Variants in CDKN2B-AS1 observed in about 807,000 individuals in gnomAD.
The protein encoded by CDKN2B-AS1 is CDKN2B antisense RNA 1 (non-protein coding).
At chr9:22,029,349 T>G in intron 1 of CDKN2B-AS1, 2 of 755,362 alleles carry the variant, frequency 2.6e-6, no homozygotes, top group Admixed American at 3.5e-5. Context: ...GTTTATCTAA[T>G]GGGATTCCTG....
At chr9:22,084,159 G>C (rs1308117527) in intron 4 of CDKN2B-AS1, among the ~76,000 whole-genome samples, 10 of 152,070 alleles carry the variant, frequency 6.6e-5, no homozygotes, top group Admixed American at 6.6e-4. Flanking sequence ...AAGAGATTTA[G>C]GCAGGTTATG....
intron 4 of CDKN2B-AS1, among the ~76,000 whole-genome samples, chr9:22,077,261 ATTTAAAGTATTT>A (rs372394016): frequency 0.088 from 13,367 of 152,120 alleles, 1,608 homozygotes; most frequent in African/African-American, 0.28. Flanking sequence ...AACTCAATAT[ATTTAAAGTATTT>A]TAACATACAA....
At position 22,101,664 on chromosome 9, in the gene CDKN2B-AS1, CAA is replaced by C. The variant is rs1563982573; in HGVS notation, n.439-25438_439-25437del. On this transcript the variant is annotated intron_variant and non_coding_transcript_variant, in intron 4 of 4. Coordinates refer to ENST00000650946, the Ensembl canonical transcript of CDKN2B-AS1. ...GTTTCATTGCAACCCTAACCCTCTT[CAA>C]CACACACACACACACACACACACAC... 3.0e-5 allele frequency among the ~76,000 whole-genome samples: 3 copies of C among 99,530 alleles called. No homozygotes were observed. In the East Asian group the frequency reaches 7.0e-4, roughly 23 times the overall value. The allele number at this position is 99,530 out of a possible 152,430, so 65.3% of individuals were successfully genotyped here. A position where few individuals can be genotyped will look rare whatever the true frequency, so the allele number is the denominator to read the frequency against.
rs71336509 is a variant in CDKN2B-AS1, at chr9:22,071,285, C to CTTTT, written n.438+14926_438+14929dup. On this transcript the variant is annotated intron_variant and non_coding_transcript_variant, in intron 4 of 4. Transcript: ENST00000650946. ...AGAGGCCAGGCTTAGAAATATCTAG[C>CTTTT]TTTTTTTTTTTTTTTTTTTTTTTTT... Among the ~76,000 whole-genome samples the CTTTT allele has an allele frequency of 1.3e-3, 86 of 67,576 alleles. 5 individuals are homozygous for CTTTT. Among genetic ancestry groups the CTTTT allele is most frequent in the Non-Finnish European group, 1.7e-3 (67 of 39,606 alleles). 44.3% of individuals were successfully genotyped at this position (67,576 alleles called of 152,430 possible). A position where few individuals can be genotyped will look rare whatever the true frequency, so the allele number is the denominator to read the frequency against.
chr9:22,060,591 C>G (rs1823775262), intron 4 of CDKN2B-AS1, among the ~76,000 whole-genome samples: 1 of 152,202 alleles, frequency 6.6e-6, no homozygotes, highest in Non-Finnish European at 1.5e-5. Context: ...TACCCAGTTC[C>G]AAAGTCACTT....
intron 4 of CDKN2B-AS1, among the ~76,000 whole-genome samples, chr9:22,097,062 A>T (rs368020741): frequency 6.6e-6 from 1 of 152,170 alleles, no homozygotes; most frequent in Admixed American, 6.5e-5. Flanking sequence ...TCTTCCATCC[A>T]TACCAAAGGC....
intron 4 of CDKN2B-AS1, among the ~76,000 whole-genome samples, chr9:22,103,440 C>T (rs1241089017): frequency 6.6e-6 from 1 of 152,040 alleles, no homozygotes; most frequent in Non-Finnish European, 1.5e-5. Flanking sequence ...GAGAGAAGTG[C>T]CTGGCATTCC....
intron 4 of CDKN2B-AS1, chr9:22,118,657 T>C (rs1782899449): frequency 6.6e-6 from 1 of 152,198 alleles, no homozygotes; most frequent in Non-Finnish European, 1.5e-5. Context: ...TGTCTCACAG[T>C]CCAGACTTGG....
intron 1 of CDKN2B-AS1, chr9:22,046,685 T>A (rs1433831245): frequency 6.6e-6 from 1 of 152,100 alleles, no homozygotes; most frequent in African/African-American, 2.4e-5. Context: ...AAATATCTGC[T>A]GTGTTTAGGT....
At chr9:22,010,951 A>G (rs1299588370) in intron 1 of CDKN2B-AS1, among the ~76,000 whole-genome samples, 1 of 152,254 alleles carries the variant, frequency 6.6e-6, no homozygotes, top group Non-Finnish European at 1.5e-5. Context: ...TGAGGGGGAC[A>G]TAAAGAATGG....
intron 3 of CDKN2B-AS1, among the ~76,000 whole-genome samples, chr9:22,049,559 C>T (rs1249040452): frequency 1.3e-5 from 2 of 152,180 alleles, no homozygotes; most frequent in Non-Finnish European, 2.9e-5. Context: ...GACTGGCCCA[C>T]ACACCAGCCA....
At position 22,005,134 on chromosome 9, in the gene CDKN2B-AS1, G is replaced by C. The variant is rs190793848; in HGVS notation, n.29+9973G>C. Reference sequence around the variant, plus strand: ...AGCATGTGTGTGTGTGTGTGTGTGTGTGTGTGTGAAAGAAAACGTTACAGT... The same window carrying C: ...AGCATGTGTGTGTGTGTGTGTGTGTCTGTGTGTGAAAGAAAACGTTACAGT... On this transcript the variant is annotated intron_variant and non_coding_transcript_variant, in intron 1 of 4. Transcript: ENST00000650946. The surrounding 1 kb of genome is among the most constrained non-coding windows in gnomAD (Gnocchi z 4.9). 4.3e-6 allele frequency: 1 copy of C among 233,180 alleles called. No homozygotes were observed. Among genetic ancestry groups the C allele is most frequent in the African/African-American group, 2.2e-5 (1 of 45,264 alleles). 14.4% of individuals were successfully genotyped at this position (233,180 alleles called of 1,614,324 possible).
rs556249120 is a variant in CDKN2B-AS1 at position 22,058,857 on chromosome 9, C to T, written n.438+2470C>T. On this transcript the variant is annotated intron_variant and non_coding_transcript_variant, in intron 4 of 4. Coordinates refer to ENST00000650946, the Ensembl canonical transcript of CDKN2B-AS1. ...GAGGCCTCAGAATCATGGTGGGAGGCGAAAGGCACTTCTTACATGGTGGCA... is the reference window on the plus strand; with the variant it reads ...GAGGCCTCAGAATCATGGTGGGAGGTGAAAGGCACTTCTTACATGGTGGCA... 2.3e-4 allele frequency: 47 copies of T among 207,830 alleles called. 1 individual carries two copies. Among genetic ancestry groups the T allele is most frequent in the South Asian group, 2.2e-3 (24 of 10,686 alleles). The allele number at this position is 207,830 out of a possible 1,614,324, so 12.9% of individuals were successfully genotyped here.
At chr9:22,089,630 T>G (rs1013505760) in intron 4 of CDKN2B-AS1, among the ~76,000 whole-genome samples, 1 of 151,934 alleles carries the variant, frequency 6.6e-6, no homozygotes, top group Non-Finnish European at 1.5e-5. Context: ...CCCCTTATTT[T>G]GTAGGGACAA....
At chr9:22,091,660 C>T (rs201369004) in intron 4 of CDKN2B-AS1, among the ~76,000 whole-genome samples, 13 of 152,142 alleles carry the variant, frequency 8.5e-5, no homozygotes, top group African/African-American at 1.7e-4. Context: ...TTGTGATTTT[C>T]GCACATTGAT....
chr9:22,064,601 T>A (rs1823963827), intron 4 of CDKN2B-AS1, among the ~76,000 whole-genome samples: 1 of 152,156 alleles, frequency 6.6e-6, no homozygotes, highest in East Asian at 1.9e-4. Flanking sequence ...ATGGAGTGAA[T>A]CAGTTCGAGA....
At chr9:22,120,691 A>T (rs770833401) in intron 4 of CDKN2B-AS1, 7 of 152,172 alleles carry the variant, frequency 4.6e-5, no homozygotes, top group Non-Finnish European at 8.8e-5. Flanking sequence ...TGAAGAAAAT[A>T]AAAATTATCC....
rs1286930056 is a variant in CDKN2B-AS1 at position 22,044,824 on chromosome 9, GAAAGAAGTTTGAAGGC to G, written n.30-1923_30-1908del. Among the ~76,000 whole-genome samples, 3 of 151,850 alleles carry G rather than the reference GAAAGAAGTTTGAAGGC, an allele frequency of 2.0e-5. No homozygotes were observed. The East Asian group carries it at 5.8e-4, about 29-fold the overall frequency. ...AACCCACATTTGTCATCTTGGCTGG[GAAAGAAGTTTGAAGGC>G]AAAAGGTGCCTGAATATGTTTCACT... On this transcript the variant is annotated intron_variant and non_coding_transcript_variant, in intron 1 of 4. Coordinates refer to ENST00000650946, the Ensembl canonical transcript of CDKN2B-AS1.
intron 1 of CDKN2B-AS1, chr9:22,008,732 G>C (rs749734284): frequency 7.4e-6 from 12 of 1,610,756 alleles, no homozygotes; most frequent in Non-Finnish European, 1.0e-5. Flanking sequence ...TTCCAGCCCC[G>C]ATCCGCCGAG....
Sources: allele counts gnomAD v4.1 joint callset (sites outside exome capture counted in the v4.1 genomes callset), GRCh38; gene constraint gnomAD v4.1.1; non-coding constraint Gnocchi (gnomAD v3.1); transcripts MANE v1.5; gene names NCBI Gene and HGNC (gene_info 2026-07-23, HGNC 2026-07-21).